The following GOT1 variants were observed in gnomAD, a reference collection of about 807,000 sequenced individuals.
The protein encoded by GOT1 is aspartate aminotransferase, cytoplasmic.
In GOT1, 25 loss-of-function variants were observed where a neutral mutation model predicts 48.2. That is an observed-to-expected ratio of 0.52 (90% CI 0.38 to 0.72). GOT1 has a LOEUF of 0.72. Among genes scored for constraint, GOT1 ranks in the 30% least tolerant of loss-of-function variants. The pLI is 0.00. For synonymous variants in GOT1, 188 were observed against 193.8 expected (o/e 0.97, Z 0.25); for missense variants, 380 against 520.1 (o/e 0.73, Z 2.62).
At chr10:99,420,881 G>C in intron 1 of GOT1, 76 bp from the exon 2 acceptor site, 1 of 1,184,374 alleles carries the variant, frequency 8.4e-7, no homozygotes, top group Non-Finnish European at 1.2e-6. Flanking sequence ...CTGTGAACCA[G>C]GAGAATCCCA....
rs145724665 is a variant in GOT1 at position 99,404,630 on chromosome 10, C to T, written c.643-756G>A. Among the ~76,000 whole-genome samples the T allele has an allele frequency of 4.4e-3, 674 of 152,268 alleles. 4 individuals are homozygous for T. The highest frequency in any genetic ancestry group is 0.015 in the African/African-American group (604 of 41,552). ...GGCAATGGTCTCCTAACTGCTCCCA[C>T]GGCCTGTCTAGTCTTGCCTCTCTCT... is the stretch of plus-strand genomic sequence containing the variant. On this transcript the variant is annotated intron_variant, in intron 5 of 8. Coordinates refer to ENST00000370508, the MANE Select transcript of GOT1 (RefSeq NM_002079.3).
At chr10:99,413,810 T>C (rs1027653668) in intron 2 of GOT1, among the ~76,000 whole-genome samples, 5 of 152,186 alleles carry the variant, frequency 3.3e-5, no homozygotes, top group Non-Finnish European at 5.9e-5. Flanking sequence ...AAAAGAATTT[T>C]CAACCCAGAA....
intron 2 of GOT1, among the ~76,000 whole-genome samples, chr10:99,407,569 A>G (rs1159610890): frequency 6.6e-6 from 1 of 151,774 alleles, no homozygotes; most frequent in Non-Finnish European, 1.5e-5. Context: ...AGTAGCTGGG[A>G]CTACAGGCGC....
At chr10:99,407,725 C>A (rs2032779655) in intron 2 of GOT1, among the ~76,000 whole-genome samples, 1 of 152,036 alleles carries the variant, frequency 6.6e-6, no homozygotes, top group South Asian at 2.1e-4. Context: ...AGCCACTGCG[C>A]CTGGCTGGCT....
chr10:99,421,279 C>T (rs2032962531), intron 1 of GOT1, among the ~76,000 whole-genome samples: 2 of 152,182 alleles, frequency 1.3e-5, no homozygotes, highest in African/African-American at 4.8e-5. Flanking sequence ...ATGAACCTGG[C>T]ACCTTTAACA....
chr10:99,406,356 G>A (rs768469097), intron 3 of GOT1, 107 bp from the exon 4 acceptor site: 3 of 771,602 alleles, frequency 3.9e-6, no homozygotes, highest in Non-Finnish European at 6.9e-6. Context: ...ATGTCCACTG[G>A]GCATCATCCA....
intron 8 of GOT1, among the ~76,000 whole-genome samples, chr10:99,399,910 TAAG>T (rs1187638525): frequency 1.3e-5 from 2 of 152,182 alleles, no homozygotes; most frequent in African/African-American, 2.4e-5. Context: ...AAAGCAAGCT[TAAG>T]AAGAGGTTTA....
chr10:99,399,459 C>T (rs925618343), intron 8 of GOT1, among the ~76,000 whole-genome samples: 2 of 152,154 alleles, frequency 1.3e-5, no homozygotes, highest in Non-Finnish European at 2.9e-5. Flanking sequence ...TTTTGTAAGA[C>T]ACCTGTGCAA....
intron 2 of GOT1, among the ~76,000 whole-genome samples, chr10:99,419,920 T>C (rs2032945401): frequency 6.6e-6 from 1 of 152,186 alleles, no homozygotes; most frequent in Non-Finnish European, 1.5e-5. Flanking sequence ...TCACTGTGTC[T>C]ACTTCCAAAT....
chr10:99,429,706 G>A (rs1044261915), intron 1 of GOT1, among the ~76,000 whole-genome samples: 1 of 152,172 alleles, frequency 6.6e-6, no homozygotes, highest in Non-Finnish European at 1.5e-5. Context: ...TGGGGAAACT[G>A]AGGCCCATGC....
intron 2 of GOT1, among the ~76,000 whole-genome samples, chr10:99,408,918 GTCTGGGATTTACTATTAAATAATAA>G (rs2032795244): frequency 6.6e-6 from 1 of 151,978 alleles, no homozygotes; most frequent in Non-Finnish European, 1.5e-5. Flanking sequence ...CTATTTAGAT[GTCTGGGATTTACTATTAAATAATAA>G]TCCAGCTTTC....
intron 2 of GOT1, among the ~76,000 whole-genome samples, chr10:99,414,075 A>G (rs2032862487): frequency 6.6e-6 from 1 of 152,370 alleles, no homozygotes; most frequent in East Asian, 1.9e-4. Context: ...AACAGGATCA[A>G]ATTCACACAT....
intron 2 of GOT1, among the ~76,000 whole-genome samples, chr10:99,408,220 C>T (rs965707287): frequency 1.3e-5 from 2 of 152,194 alleles, no homozygotes; most frequent in Non-Finnish European, 2.9e-5. Flanking sequence ...AGTGGCACAG[C>T]TCAGCACAAA....
intron 2 of GOT1, among the ~76,000 whole-genome samples, chr10:99,408,660 A>C (rs1589937413): frequency 6.6e-6 from 1 of 152,166 alleles, no homozygotes; most frequent in East Asian, 1.9e-4. Context: ...CAGAGGTTGC[A>C]GTGAGCCAAG....
In GOT1 at chr10:99,397,589, G is replaced by A. The variant is rs571090139; in HGVS notation, c.1200C>T (p.Tyr400=). Residue 400 remains tyrosine, a synonymous_variant, in exon 9 of 9, where the codon TAC becomes TAT. Coordinates refer to ENST00000370508, the MANE Select transcript of GOT1 (RefSeq NM_002079.3). The surrounding 1 kb of genome is among the most constrained non-coding windows in gnomAD (Gnocchi z 5.4). ...VSGLTTKNLD[Y]VATSIHEAVT... is the part of the protein sequence containing the mutation. ...CTGCTTCATGGATGGAGGTGGCCAC[G>A]TAATCTAGATTTTTGGTGGTTAAGC... The A allele has an allele frequency of 7.4e-6, 12 of 1,614,102 alleles. No individual in the cohort carries two copies. Among genetic ancestry groups the A allele is most frequent in the Middle Eastern group, 1.7e-4 (1 of 6,050 alleles).
In GOT1 at chr10:99,405,766, G is replaced by A. The variant is rs945909117; in HGVS notation, c.632C>T (p.Ser211Phe). 7 of 1,559,170 alleles carry A rather than the reference G, an allele frequency of 4.5e-6. No homozygotes were observed. The highest frequency in any genetic ancestry group is 6.2e-6 in the Non-Finnish European group (7 of 1,129,808). Reference sequence around the variant, plus strand: ...TGAAGGGGCAGTTACCTTCATGACAGAAGCAATCTGCTTCCACTGCTCCGG... The same window carrying A: ...TGAAGGGGCAGTTACCTTCATGACAAAAGCAATCTGCTTCCACTGCTCCGG... ...PTPEQWKQIA[S>F]VMKHRFLFPF... Residue 211 changes from serine to phenylalanine, a missense_variant, in exon 5 of 9, where the codon TCT becomes TTT. By Grantham distance (155) the Ser-to-Phe change is radical. Coordinates refer to ENST00000370508, the MANE Select transcript of GOT1 (RefSeq NM_002079.3).
chr10:99,424,463 A>C (rs1156379534), intron 1 of GOT1, among the ~76,000 whole-genome samples: 2 of 152,210 alleles, frequency 1.3e-5, no homozygotes, highest in Non-Finnish European at 2.9e-5. Flanking sequence ...ATGCAAAAAA[A>C]TTTGGGATGT....
intron 2 of GOT1, among the ~76,000 whole-genome samples, chr10:99,412,585 T>A (rs993798167): frequency 6.6e-6 from 1 of 151,796 alleles, no homozygotes; most frequent in African/African-American, 2.4e-5. Context: ...GTCTGACAGC[T>A]TTGAAGAGAG....
At chr10:99,404,010 C>G (rs2032720904) in intron 5 of GOT1, 136 bp from the exon 6 acceptor site, 1 of 727,020 alleles carries the variant, frequency 1.4e-6, no homozygotes, top group East Asian at 2.7e-5. Flanking sequence ...CTATATGCAC[C>G]CAAGCTCCAC....
Sources: allele counts gnomAD v4.1 joint callset (sites outside exome capture counted in the v4.1 genomes callset), GRCh38; gene constraint gnomAD v4.1.1; non-coding constraint Gnocchi (gnomAD v3.1); transcripts MANE v1.5; gene names NCBI Gene and HGNC (gene_info 2026-07-23, HGNC 2026-07-21).